Variants in PI4KA observed in about 807,000 individuals in gnomAD.
PI4KA encodes the protein phosphatidylinositol 4-kinase alpha.
In PI4KA, 122 loss-of-function variants were observed where a neutral mutation model predicts 271.4. That is an observed-to-expected ratio of 0.45 (90% CI 0.39 to 0.52). The LOEUF is 0.52. Ranked by LOEUF, PI4KA falls within the 20% of genes least tolerant of loss-of-function variation. PI4KA has a pLI of 0.00. For missense variants in PI4KA, 1,969 were observed against 2,769.1 expected (o/e 0.71, Z 6.48); for synonymous variants, 1,041 against 1,078.8 (o/e 0.96, Z 0.69).
In PI4KA at chr22:20,744,658, G is replaced by T. The variant is rs760734160; in HGVS notation, c.3426C>A (p.Ser1142=). 1.1e-5 allele frequency: 18 copies of T among 1,614,036 alleles called. No individual in the cohort carries two copies. Among genetic ancestry groups the T allele is most frequent in the Non-Finnish European group, 1.5e-5 (18 of 1,179,992 alleles). ...VKKDYSNFMA[S]LNLRNRYAGE... Reference sequence around the variant, plus strand: ...CCGCGTAGCGGTTGCGCAGATTCAGGGATGCCATGAAGTTGGAGTAGTCTT... The same window carrying T: ...CCGCGTAGCGGTTGCGCAGATTCAGTGATGCCATGAAGTTGGAGTAGTCTT... Residue 1142 remains serine, a synonymous_variant, in exon 30 of 55, where the codon TCC becomes TCA. Coordinates refer to ENST00000255882, the MANE Select transcript of PI4KA (RefSeq NM_058004.4).
chr22:20,743,403 CT>C (rs959461712), intron 30 of PI4KA, among the ~76,000 whole-genome samples: 22 of 152,232 alleles, frequency 1.4e-4, no homozygotes, highest in African/African-American at 5.1e-4. Flanking sequence ...CTTGGCCTCC[CT>C]AAGTGCTGGG....
At position 20,848,006 on chromosome 22, in the gene PI4KA, G is replaced by A. The variant is rs1601616562; in HGVS notation, c.157-9275C>T. 2.6e-5 allele frequency among the ~76,000 whole-genome samples: 4 copies of A among 152,260 alleles called. No individual in the cohort carries two copies. In the East Asian group the frequency reaches 5.8e-4, roughly 22 times the overall value. ...TAATCCCAGAACTTTGAGGGGCCAG[G>A]GTGGGTGGATCACCTGAGGTCAAGA... is the stretch of plus-strand genomic sequence containing the variant. On this transcript the variant is annotated intron_variant, in intron 1 of 54. Coordinates refer to ENST00000255882, the MANE Select transcript of PI4KA (RefSeq NM_058004.4).
chr22:20,771,010 C>CT (rs1385500355), intron 19 of PI4KA, among the ~76,000 whole-genome samples: 1 of 152,116 alleles, frequency 6.6e-6, no homozygotes, highest in Admixed American at 6.5e-5. Context: ...TGAGACCCCG[C>CT]TTTTTTCTAA....
At chr22:20,782,191 C>G (rs1281125040) in intron 19 of PI4KA, among the ~76,000 whole-genome samples, 1 of 152,170 alleles carries the variant, frequency 6.6e-6, no homozygotes, top group East Asian at 1.9e-4. Context: ...TGCATTAGCC[C>G]TGGCTGAGGG....
At chr22:20,735,740 G>A (rs1472971969) in intron 32 of PI4KA, among the ~76,000 whole-genome samples, 5 of 152,236 alleles carry the variant, frequency 3.3e-5, no homozygotes, top group Admixed American at 6.5e-5. Context: ...AGCCCGGGGC[G>A]GGGCTCTGTC....
intron 20 of PI4KA, 137 bp from the exon 21 acceptor site, chr22:20,765,373 C>T: frequency 4.1e-6 from 4 of 978,816 alleles, no homozygotes; most frequent in Non-Finnish European, 4.6e-6. Context: ...AAGTCTGTTA[C>T]CTGACTTGGA....
intron 19 of PI4KA, among the ~76,000 whole-genome samples, chr22:20,785,613 T>C (rs1934155160): frequency 6.6e-6 from 1 of 152,222 alleles, no homozygotes; most frequent in Non-Finnish European, 1.5e-5. Context: ...AGGTTCTTTT[T>C]AAAAGTACAC....
Position 20,791,129 on chromosome 22 carries a change from T to A in PI4KA, c.2328+2064A>T, listed in dbSNP as rs1423751983. On this transcript the variant is annotated intron_variant, in intron 19 of 54. Coordinates refer to ENST00000255882, the MANE Select transcript of PI4KA (RefSeq NM_058004.4). ...CTCACCACTCACTGCTTCCCTAAAG[T>A]GCAAAGTGCCCGACAGATTTCCACT... 2.6e-5 allele frequency among the ~76,000 whole-genome samples: 4 copies of A among 152,184 alleles called. No homozygotes were observed. The East Asian group carries it at 7.7e-4, about 29-fold the overall frequency.
intron 1 of PI4KA, among the ~76,000 whole-genome samples, chr22:20,848,115 G>A (rs1173652886): frequency 2.0e-5 from 3 of 151,916 alleles, no homozygotes; most frequent in African/African-American, 7.3e-5. Flanking sequence ...GTGCACACCT[G>A]TAGTCCCAGC....
intron 19 of PI4KA, chr22:20,779,046 C>A: frequency 1.2e-6 from 1 of 819,960 alleles, no homozygotes; most frequent in Non-Finnish European, 1.8e-6. Context: ...GTTAGTTTTG[C>A]AAACCTTTAA....
rs77506892 is a variant in PI4KA at position 20,781,033 on chromosome 22, C to T, written c.2328+12160G>A. Among the ~76,000 whole-genome samples the T allele has an allele frequency of 6.5e-3, 989 of 152,228 alleles. 13 individuals carry two copies. The highest frequency in any genetic ancestry group is 0.023 in the African/African-American group (941 of 41,532). ...ATTCAGCTTGAGCAGCTGACATTGACACCTACAAGTGCTTTTCAGGATACT... is the reference window on the plus strand; with the variant it reads ...ATTCAGCTTGAGCAGCTGACATTGATACCTACAAGTGCTTTTCAGGATACT... On this transcript the variant is annotated intron_variant, in intron 19 of 54. Coordinates refer to ENST00000255882, the MANE Select transcript of PI4KA (RefSeq NM_058004.4).
intron 19 of PI4KA, among the ~76,000 whole-genome samples, chr22:20,767,936 A>ATTATTATTATT (rs1932680599): frequency 1.4e-5 from 2 of 141,544 alleles, no homozygotes; most frequent in Non-Finnish European, 3.1e-5. Flanking sequence ...CACCTGGCCT[A>ATTATTATTATT]ATTATTATTA....
At chr22:20,779,845 A>T in intron 19 of PI4KA, 1 of 1,614,192 alleles carries the variant, frequency 6.2e-7, no homozygotes, top group South Asian at 1.1e-5. Context: ...GAACAAGTGC[A>T]CTCGATTTTG....
At chr22:20,803,690 A>G (rs567902547) in intron 12 of PI4KA, among the ~76,000 whole-genome samples, 3 of 152,104 alleles carry the variant, frequency 2.0e-5, no homozygotes, top group Admixed American at 6.5e-5. Context: ...ATCCCTAACT[A>G]ATTCTAATTT....
chr22:20,830,737 T>A (rs1364156235), intron 3 of PI4KA, among the ~76,000 whole-genome samples: 1 of 152,166 alleles, frequency 6.6e-6, no homozygotes, highest in Non-Finnish European at 1.5e-5. Context: ...ATAGTGTCAC[T>A]AGTCTAGGTA....
chr22:20,820,698 C>T, intron 4 of PI4KA, 87 bp from the exon 5 acceptor site: 1 of 928,062 alleles, frequency 1.1e-6, no homozygotes, highest in Non-Finnish European at 1.7e-6. Flanking sequence ...GAAGGCACTT[C>T]AGACATTATC....
intron 3 of PI4KA, among the ~76,000 whole-genome samples, chr22:20,826,275 G>A (rs1017132252): frequency 7.9e-5 from 12 of 152,190 alleles, no homozygotes; most frequent in Non-Finnish European, 1.5e-4. Context: ...CCTGGGAGGC[G>A]AGGGTTGCAG....
At chr22:20,737,717 C>A (rs554292955) in intron 32 of PI4KA, among the ~76,000 whole-genome samples, 1 of 151,794 alleles carries the variant, frequency 6.6e-6, no homozygotes, top group South Asian at 2.1e-4. Context: ...CCGCAACCTC[C>A]GCCTCCTGGG....
At position 20,765,214 on chromosome 22, in the gene PI4KA, G is replaced by A. The variant is rs200981228; in HGVS notation, c.2460C>T (p.Tyr820=). The A allele has an allele frequency of 1.4e-5, 22 of 1,612,532 alleles. No homozygotes were observed. The highest frequency in any genetic ancestry group is 3.3e-5 in the South Asian group (3 of 90,828). Residue 820 remains tyrosine (Y), a synonymous_variant, in exon 21 of 55, where the codon TAC becomes TAT. Coordinates refer to ENST00000255882, the MANE Select transcript of PI4KA (RefSeq NM_058004.4). ...TAGTGGCTATTTCACAGACCCCCTC[G>A]TACCATTCTTCTGGCCAGAGTCCTG... The part of the protein sequence containing the change: ...EGSGLWPEEW[Y]EGVCEIATKS...
Sources: allele counts gnomAD v4.1 joint callset (sites outside exome capture counted in the v4.1 genomes callset), GRCh38; gene constraint gnomAD v4.1.1; transcripts MANE v1.5; gene names NCBI Gene and HGNC (gene_info 2026-07-23, HGNC 2026-07-21).